NBEA: variants seen among roughly 807,000 people sequenced by gnomAD.
NBEA encodes the protein lysosomal-trafficking regulator 2.
A neutral mutation model predicts 343.4 loss-of-function variants in NBEA; 44 were observed. That is an observed-to-expected ratio of 0.13 (90% CI 0.10 to 0.16). The LOEUF is 0.16. Among genes scored for constraint, NBEA ranks in the 10% least tolerant of loss-of-function variants. The probability of loss-of-function intolerance (pLI) is 1.00; values close to 1 mark genes in which losing one functional copy is unlikely to be tolerated. For missense variants in NBEA, 2,555 were observed against 3,631.3 expected, an observed-to-expected ratio of 0.70 and a Z score of 7.62; for synonymous variants, 1,175 against 1,238.7, an observed-to-expected ratio of 0.95 and a Z score of 1.08.
chr13:35,472,384 T>C lies in NBEA; in HGVS notation c.6449-16T>C, dbSNP rs1482653480. 1.9e-6 allele frequency: 3 copies of C among 1,611,348 alleles called. No individual in the cohort carries two copies. The highest frequency in any genetic ancestry group is 2.7e-5 in the African/African-American group (2 of 74,904). ...CACAGGGGCTCAGCCTGACTCCCCT[T>C]GTCCTTGCCTTGCAGGCCCAGTGGT... On this transcript the variant is annotated splice_polypyrimidine_tract_variant and intron_variant, in intron 40 of 58. Coordinates refer to ENST00000379939, the MANE Select transcript of NBEA (RefSeq NM_001385012.1).
At chr13:35,552,733 T>C (rs2079391147) in intron 43 of NBEA, among the ~76,000 whole-genome samples, 1 of 152,198 alleles carries the variant, frequency 6.6e-6, no homozygotes, top group Non-Finnish European at 1.5e-5. Context: ...TAATAGAGGT[T>C]TCTATATGGC....
chr13:34,974,820 T>C (rs1379665748), intron 1 of NBEA, among the ~76,000 whole-genome samples: 1 of 152,192 alleles, frequency 6.6e-6, no homozygotes, highest in African/African-American at 2.4e-5. Context: ...ACTACAGCAA[T>C]ATTCTACCAG....
chr13:35,023,074 T>G (rs1269662609), intron 1 of NBEA, among the ~76,000 whole-genome samples: 1 of 152,032 alleles, frequency 6.6e-6, no homozygotes, highest in African/African-American at 2.4e-5. Flanking sequence ...CAAAAACTAG[T>G]CAGGAAGACA....
chr13:35,510,352 T>A (rs1018428057), intron 41 of NBEA, among the ~76,000 whole-genome samples: 1 of 152,208 alleles, frequency 6.6e-6, no homozygotes, highest in Non-Finnish European at 1.5e-5. Context: ...TAGTTTTGCA[T>A]TTTTGTAGCA....
chr13:35,176,934 G>T, intron 27 of NBEA, 62 bp from the exon 28 acceptor site: 1 of 1,120,354 alleles, frequency 8.9e-7, no homozygotes, highest in Non-Finnish European at 1.3e-6. Context: ...GAATTAAGAA[G>T]TGATACTTCT....
intron 1 of NBEA, among the ~76,000 whole-genome samples, chr13:35,003,127 A>T (rs966520320): frequency 6.6e-6 from 1 of 152,188 alleles, no homozygotes. Context: ...AACAGAAAAC[A>T]TAAAGATGGT....
chr13:35,237,839 T>C (rs182488734), intron 34 of NBEA, among the ~76,000 whole-genome samples: 1 of 152,342 alleles, frequency 6.6e-6, no homozygotes, highest in African/African-American at 2.4e-5. Context: ...TTATTTCTTA[T>C]GGGATAATTA....
chr13:35,141,423 C>A (rs575785983), intron 17 of NBEA, among the ~76,000 whole-genome samples: 2 of 152,098 alleles, frequency 1.3e-5, no homozygotes, highest in Non-Finnish European at 2.9e-5. Flanking sequence ...TGTGCCACCA[C>A]GCCCAGCTAA....
At chr13:35,297,638 A>G (rs553496855) in intron 35 of NBEA, among the ~76,000 whole-genome samples, 3 of 152,096 alleles carry the variant, frequency 2.0e-5, no homozygotes, top group East Asian at 3.9e-4. Context: ...ATTCATTTCA[A>G]TTATGCTACA....
At chr13:35,421,711 G>A (rs1278789382) in intron 38 of NBEA, among the ~76,000 whole-genome samples, 3 of 152,056 alleles carry the variant, frequency 2.0e-5, no homozygotes, top group Non-Finnish European at 2.9e-5. Context: ...AGCTCTGATG[G>A]CAATAAATAT....
At chr13:35,176,022 A>G (rs1452611676) in intron 27 of NBEA, among the ~76,000 whole-genome samples, 2 of 152,138 alleles carry the variant, frequency 1.3e-5, no homozygotes, top group Non-Finnish European at 2.9e-5. Context: ...ATTTTCTTTA[A>G]CCATCCTGTA....
rs1210919502 is a variant in NBEA, at chr13:35,196,062, C to A, written c.5126C>A (p.Ser1709Tyr). The A allele has an allele frequency of 1.2e-6, 2 of 1,613,460 alleles. No individual in the cohort carries two copies. Among genetic ancestry groups the A allele is most frequent in the African/African-American group, 2.7e-5 (2 of 74,892 alleles). ...AMSELLSTLS[S>Y]EVKKSQESLT... ...AGTGAACTCTTATCCACTTTGTCATCCGAAGTGAAGAAATCACAAGAGAGC... is the reference window on the plus strand; with the variant it reads ...AGTGAACTCTTATCCACTTTGTCATACGAAGTGAAGAAATCACAAGAGAGC... Residue 1709 changes from serine (S) to tyrosine (Y), a missense_variant, in exon 31 of 59, where the codon TCC (serine) becomes TAC (tyrosine). This residue lies in a region of NBEA where 270 missense variants were observed against 293.3 expected (regional missense o/e 0.92). Coordinates refer to ENST00000379939, the MANE Select transcript of NBEA (RefSeq NM_001385012.1).
At chr13:34,962,301 C>A (rs1046227777) in intron 1 of NBEA, among the ~76,000 whole-genome samples, 2 of 151,976 alleles carry the variant, frequency 1.3e-5, no homozygotes, top group African/African-American at 4.8e-5. Flanking sequence ...TCTATATATA[C>A]ACACACATAA....
At chr13:35,427,371 G>C (rs1294899349) in intron 38 of NBEA, among the ~76,000 whole-genome samples, 1 of 152,178 alleles carries the variant, frequency 6.6e-6, no homozygotes, top group East Asian at 1.9e-4. Context: ...CTCAGCTGCA[G>C]GTCTGTTGGA....
intron 34 of NBEA, among the ~76,000 whole-genome samples, chr13:35,276,974 T>C (rs117678571): frequency 0.027 from 4,085 of 152,298 alleles, 60 homozygotes; most frequent in Non-Finnish European, 0.039. Context: ...CGGTTTACTT[T>C]TTCCTTCTGT....
chr13:35,414,281 G>A (rs966941263), intron 38 of NBEA, among the ~76,000 whole-genome samples: 7 of 152,104 alleles, frequency 4.6e-5, no homozygotes, highest in Non-Finnish European at 5.9e-5. Flanking sequence ...TGCACAACGT[G>A]CAGGTTTGGT....
At chr13:35,670,395 C>T (rs1025395904) in intron 58 of NBEA, among the ~76,000 whole-genome samples, 9 of 152,138 alleles carry the variant, frequency 5.9e-5, no homozygotes, top group Non-Finnish European at 1.2e-4. Context: ...TGGCAGTGAC[C>T]TCCACTTGGC....
At chr13:35,061,136 G>A (rs1276724180) in intron 8 of NBEA, among the ~76,000 whole-genome samples, 1 of 151,596 alleles carries the variant, frequency 6.6e-6, no homozygotes, top group African/African-American at 2.4e-5. Context: ...ATTCAATGGA[G>A]CCTATCACAA....
At chr13:35,429,324 G>T (rs868235365) in intron 38 of NBEA, among the ~76,000 whole-genome samples, 1 of 152,128 alleles carries the variant, frequency 6.6e-6, no homozygotes, top group Non-Finnish European at 1.5e-5. Context: ...TCCTTTGCTG[G>T]TGTAGGTCAG....
Sources: allele counts gnomAD v4.1 joint callset (sites outside exome capture counted in the v4.1 genomes callset), GRCh38; gene constraint gnomAD v4.1.1; regional missense constraint gnomAD v4.1.1; transcripts MANE v1.5; gene names NCBI Gene and HGNC (gene_info 2026-07-23, HGNC 2026-07-21).